GREP1: variants seen among roughly 807,000 people sequenced by gnomAD.
GREP1 encodes glycine rich extracellular protein 1.
intron 33 of GREP1, 150 bp downstream of exon 27, chr16:3,000,977 G>T (rs2072458717): frequency 2.5e-6 from 1 of 399,380 alleles, no homozygotes; most frequent in Non-Finnish European, 4.4e-6. Flanking sequence ...GAGGCCAGGA[G>T]GGCATAGGCA....
At position 2,991,145 on chromosome 16, in the gene GREP1, G is replaced by T; in HGVS notation, c.322+44G>T. On this transcript the variant is annotated intron_variant, in intron 8 of 34. Coordinates refer to ENST00000573315, the Ensembl canonical transcript of GREP1. This position sits in a 1 kb window ranked among gnomAD's most constrained non-coding sequence, Gnocchi z 4.9. Reference sequence around the variant, plus strand: ...TGGCAGGACCTGGGCTTCCAGGAGGGAGGGGGAAGGGGCAGAGCAGAGTCA... The same window carrying T: ...TGGCAGGACCTGGGCTTCCAGGAGGTAGGGGGAAGGGGCAGAGCAGAGTCA... 7.5e-6 allele frequency: 3 copies of T among 399,288 alleles called. No individual in the cohort carries two copies. Among genetic ancestry groups the T allele is most frequent in the Non-Finnish European group, 1.3e-5 (3 of 226,288 alleles). 24.7% of individuals were successfully genotyped at this position (399,288 alleles called of 1,614,324 possible). A position where few individuals can be genotyped will look rare whatever the true frequency, so the allele number is the denominator to read the frequency against.
chr16:2,997,199 T>C (rs2072429711), intron 21 of GREP1, 114 bp downstream of exon 20: 3 of 398,604 alleles, frequency 7.5e-6, no homozygotes, highest in South Asian at 1.3e-4. Context: ...GCCGAGCCAG[T>C]GAGGGGGTGT....
chr16:2,993,126 G>C (rs1000199858), intron 10 of GREP1, 163 bp downstream of exon 11: 5 of 393,304 alleles, frequency 1.3e-5, no homozygotes, highest in African/African-American at 2.1e-5. Context: ...AACCCAGGCA[G>C]GTAAGGCCCT....
Position 2,996,482 on chromosome 16 carries a change from G to A in GREP1, c.677-14G>A, listed in dbSNP as rs1245603602. On this transcript the variant is annotated splice_polypyrimidine_tract_variant and intron_variant, in intron 18 of 34. Coordinates refer to ENST00000573315, the Ensembl canonical transcript of GREP1. Reference sequence around the variant, plus strand: ...AATGCCGCCGTCTCACACCCTCCCCGTCCCTCCCCCTAGAATATGGCCATG... The same window carrying A: ...AATGCCGCCGTCTCACACCCTCCCCATCCCTCCCCCTAGAATATGGCCATG... 3 of 398,818 alleles carry A rather than the reference G, an allele frequency of 7.5e-6. No homozygotes were observed. Among genetic ancestry groups the A allele is most frequent in the African/African-American group, 2.1e-5 (1 of 48,538 alleles). The allele number at this position is 398,818 out of a possible 1,614,324, so 24.7% of individuals were successfully genotyped here. A position where few individuals can be genotyped will look rare whatever the true frequency, so the allele number is the denominator to read the frequency against.
intron 10 of GREP1, chr16:2,994,433 C>T (rs763169309): frequency 4.6e-5 from 13 of 280,892 alleles, no homozygotes; most frequent in African/African-American, 8.8e-5. Flanking sequence ...TGCTTGAACC[C>T]GGGAGGCGGA....
intron 17 of GREP1, 66 bp downstream of exon 17, chr16:2,995,837 C>T: frequency 2.5e-6 from 1 of 398,590 alleles, no homozygotes; most frequent in Non-Finnish European, 4.4e-6. Flanking sequence ...GCACTCTACT[C>T]ATGCTCCCTC....
At chr16:2,999,405 T>C in intron 27 of GREP1, 2 of 351,956 alleles carry the variant, frequency 5.7e-6, no homozygotes, top group South Asian at 1.4e-4. Flanking sequence ...TCCATCACCC[T>C]TTTTCCCTAG....
chr16:2,990,324 C>A (rs982342793), intron 5 of GREP1: 10 of 398,186 alleles, frequency 2.5e-5, no homozygotes, highest in Non-Finnish European at 4.0e-5. Context: ...CTCTCTCCCA[C>A]GAGCCCTTCC....
At chr16:3,001,501 G>A (rs980922472) in intron 34 of GREP1, 60 bp from the exon 29 acceptor site, 1 of 399,108 alleles carries the variant, frequency 2.5e-6, no homozygotes, top group Non-Finnish European at 4.4e-6. Context: ...GGGAGGGGAG[G>A]AGGGGGCAAG....
chr16:2,998,138 G>A (rs556797387), intron 23 of GREP1, among the ~76,000 whole-genome samples: 13 of 152,134 alleles, frequency 8.5e-5, no homozygotes, highest in South Asian at 2.1e-4. Flanking sequence ...CTCCAAAGCC[G>A]AGTTGCTCTC....
intron 23 of GREP1, 62 bp downstream of exon 21, chr16:2,997,897 T>TC: frequency 2.5e-6 from 1 of 398,192 alleles, no homozygotes; most frequent in Non-Finnish European, 4.4e-6. Context: ...TCCACCCTTT[T>TC]CCCCTCCCAA....
chr16:2,998,606 G>C, intron 25 of GREP1, 83 bp downstream of exon 23: 1 of 398,650 alleles, frequency 2.5e-6, no homozygotes, highest in East Asian at 3.6e-5. Flanking sequence ...TCCATCAGGA[G>C]CCCCATCCCT....
At chr16:3,001,465 G>A (rs2151117259) in intron 34 of GREP1, 96 bp from the exon 29 acceptor site, 2 of 399,108 alleles carry the variant, frequency 5.0e-6, no homozygotes, top group East Asian at 7.1e-5. Context: ...GCTGCTGAGT[G>A]ACTGACCCCA....
At chr16:3,001,943 C>G (rs2072464368) in exon 35 of GREP1, 1 of 295,010 alleles carries the variant, frequency 3.4e-6, no homozygotes, top group South Asian at 1.6e-4. Context: ...GGGCCTTGTG[C>G]ATGGAAAAGA....
At chr16:2,998,421 C>G (rs1480926061) in intron 24 of GREP1, 33 bp downstream of exon 22, 2 of 399,202 alleles carry the variant, frequency 5.0e-6, no homozygotes, top group Admixed American at 8.8e-5. Context: ...TGCCCCACAC[C>G]TCCTTCTGCC....
Position 2,991,074 on chromosome 16 carries a change from G to T in GREP1, c.295G>T (p.Ala99Ser). Reference sequence around the variant, plus strand: ...ATATGGAAACGGGCTGGGAGCAGCGGCCTTCCCAGTGGCCGGAGCCCAGTC... The same window carrying T: ...ATATGGAAACGGGCTGGGAGCAGCGTCCTTCCCAGTGGCCGGAGCCCAGTC... The change falls in exon 8 of 35, where the codon GCC becomes TCC. Residue 99 changes from alanine to serine, a missense_variant. Coordinates refer to ENST00000573315, the Ensembl canonical transcript of GREP1. This position sits in a 1 kb window ranked among gnomAD's most constrained non-coding sequence, Gnocchi z 4.9. 1 of 399,268 alleles carries T rather than the reference G, an allele frequency of 2.5e-6. No individual in the cohort carries two copies. 24.7% of individuals were successfully genotyped at this position (399,268 alleles called of 1,614,324 possible). A position where few individuals can be genotyped will look rare whatever the true frequency, so the allele number is the denominator to read the frequency against.
At position 2,992,533 on chromosome 16, in the gene GREP1, A is replaced by G. The variant is rs1456638407; in HGVS notation, c.323-272A>G. The G allele has an allele frequency of 6.4e-6, 2 of 312,398 alleles. No homozygotes were observed. Among genetic ancestry groups the G allele is most frequent in the Non-Finnish European group, 5.8e-6 (1 of 171,548 alleles). 19.4% of individuals were successfully genotyped at this position (312,398 alleles called of 1,614,324 possible). A position where few individuals can be genotyped will look rare whatever the true frequency, so the allele number is the denominator to read the frequency against. Reference sequence around the variant, plus strand: ...CAGATGGGCTCTTGGGGGTTCATTCATTCACCCAATCTCCCCTGAGCACCC... The same window carrying G: ...CAGATGGGCTCTTGGGGGTTCATTCGTTCACCCAATCTCCCCTGAGCACCC... On this transcript the variant is annotated intron_variant, in intron 8 of 34. Transcript: ENST00000573315. This position sits in a 1 kb window ranked among gnomAD's most constrained non-coding sequence, Gnocchi z 4.9.
chr16:2,992,936 G>C lies in GREP1; in HGVS notation c.358G>C (p.Gly120Arg), dbSNP rs993030280. The change falls in exon 10 of 35, where the codon GGA becomes CGA. Residue 120 changes from glycine (G) to arginine (R), a missense_variant. Physicochemically the swap from Gly to Arg is moderately radical, Grantham distance 125 (BLOSUM62 -2). Transcript: ENST00000573315. This position sits in a 1 kb window ranked among gnomAD's most constrained non-coding sequence, Gnocchi z 4.9. ...CCCTCTCATCTTCCCCCCAGGCTTT[G>C]GAGGGGGTGGAAAACCCCAGAAGCC... 1.0e-5 allele frequency: 4 copies of C among 399,062 alleles called. No homozygotes were observed. In the Admixed American group the frequency reaches 1.3e-4, roughly 13 times the overall value. The allele number at this position is 399,062 out of a possible 1,614,324, so 24.7% of individuals were successfully genotyped here. A position where few individuals can be genotyped will look rare whatever the true frequency, so the allele number is the denominator to read the frequency against.
At chr16:2,990,233 G>T (rs1466199240) in intron 5 of GREP1, 111 bp downstream of exon 5, 3 of 398,028 alleles carry the variant, frequency 7.5e-6, no homozygotes, top group Non-Finnish European at 1.3e-5. Flanking sequence ...GTTTGCTGGT[G>T]TCTGGCTTAG....
Sources: gnomAD v4.1 joint callset for allele counts (sites outside exome capture counted in the v4.1 genomes callset) on GRCh38, gnomAD v4.1.1 for gene constraint, Gnocchi (gnomAD v3.1) non-coding constraint, MANE v1.5 for transcripts, NCBI Gene and HGNC (gene_info 2026-07-23, HGNC 2026-07-21) for gene names.